The following NDRG3 variants were observed in gnomAD, a reference collection of about 807,000 sequenced individuals.
NDRG3 encodes NDRG family member 3, also known as protein NDRG3.
Under a neutral mutation model 57.2 loss-of-function variants are expected in NDRG3, and 23 were observed. The observed-to-expected ratio is 0.40, with a 90% CI of 0.29 to 0.57. The LOEUF (loss-of-function observed/expected upper bound fraction) is 0.57, where lower values mean the gene tolerates loss of function less well. Ranked by LOEUF, NDRG3 falls within the 20% of genes least tolerant of loss-of-function variation. The probability of loss-of-function intolerance (pLI) is 0.42; values close to 1 mark genes in which losing one functional copy is unlikely to be tolerated. For synonymous variants in NDRG3, 132 were observed against 162.6 expected (o/e 0.81, Z 1.43); for missense variants, 384 against 457.3 (o/e 0.84, Z 1.46).
chr20:36,725,615 A>G (rs1171293330), intron 1 of NDRG3, among the ~76,000 whole-genome samples: 4 of 151,612 alleles, frequency 2.6e-5, no homozygotes, highest in Non-Finnish European at 4.4e-5. Flanking sequence ...AAAAAAAAAA[A>G]AAAGAAAAAA....
intron 8 of NDRG3, among the ~76,000 whole-genome samples, chr20:36,676,952 G>T (rs1037290692): frequency 2.0e-5 from 3 of 152,244 alleles, no homozygotes; most frequent in African/African-American, 7.2e-5. Flanking sequence ...GCCCTCCTGG[G>T]CAGGGCTACA....
intron 3 of NDRG3, among the ~76,000 whole-genome samples, chr20:36,701,110 G>A (rs75443185): frequency 0.027 from 4,056 of 152,098 alleles, 86 homozygotes; most frequent in Middle Eastern, 0.061. Flanking sequence ...TACCTCCAAG[G>A]CTATGCACTT....
At chr20:36,712,653 C>T (rs112890847) in intron 2 of NDRG3, among the ~76,000 whole-genome samples, 7,937 of 125,022 alleles carry the variant, frequency 0.063, 885 homozygotes, top group African/African-American at 0.23. Flanking sequence ...TGGAGTGCAG[C>T]GGCATAATCT....
chr20:36,677,463 G>A (rs112127126), intron 8 of NDRG3, among the ~76,000 whole-genome samples: 4,616 of 152,302 alleles, frequency 0.03, 98 homozygotes, highest in Middle Eastern at 0.068. Context: ...CCCTTCTGAG[G>A]TCCATAAAAG....
chr20:36,713,343 G>A (rs917216212), intron 2 of NDRG3, among the ~76,000 whole-genome samples: 7 of 151,796 alleles, frequency 4.6e-5, no homozygotes, highest in African/African-American at 1.7e-4. Context: ...AACCCAAGAA[G>A]GTAAATTAAA....
chr20:36,742,011 C>T (rs1476991148), intron 1 of NDRG3, among the ~76,000 whole-genome samples: 1 of 152,178 alleles, frequency 6.6e-6, no homozygotes, highest in Non-Finnish European at 1.5e-5. Flanking sequence ...AAATGTTTTC[C>T]TGTCCTTTTG....
chr20:36,695,783 C>T (rs981508382), intron 3 of NDRG3, among the ~76,000 whole-genome samples: 2 of 152,134 alleles, frequency 1.3e-5, no homozygotes, highest in Admixed American at 6.5e-5. Flanking sequence ...CTTGCCCTAC[C>T]CTTGTGACCT....
At chr20:36,714,305 T>C (rs1251633019) in intron 2 of NDRG3, among the ~76,000 whole-genome samples, 3 of 147,816 alleles carry the variant, frequency 2.0e-5, no homozygotes, top group Admixed American at 6.8e-5. Flanking sequence ...CTCGGGAGGC[T>C]GAGGCAGGAG....
At chr20:36,737,969 C>CA (rs1416599457) in intron 1 of NDRG3, among the ~76,000 whole-genome samples, 8 of 150,696 alleles carry the variant, frequency 5.3e-5, no homozygotes, top group Non-Finnish European at 1.2e-4. Context: ...GAGGCTGAGG[C>CA]ATGAGAACTG....
At chr20:36,658,685 A>G (rs1417430142) in intron 13 of NDRG3, among the ~76,000 whole-genome samples, 1 of 152,206 alleles carries the variant, frequency 6.6e-6, no homozygotes, top group Non-Finnish European at 1.5e-5. Flanking sequence ...AGCTACCTCA[A>G]CACTTTAGTA....
At chr20:36,684,534 A>G in intron 5 of NDRG3, 59 bp from the exon 6 acceptor site, 1 of 1,450,062 alleles carries the variant, frequency 6.9e-7, no homozygotes, top group Non-Finnish European at 9.7e-7. Context: ...CAGTTGCTAG[A>G]ACAGCTGGAA....
At chr20:36,654,122 C>T (rs904444364) in intron 15 of NDRG3, among the ~76,000 whole-genome samples, 10 of 152,166 alleles carry the variant, frequency 6.6e-5, no homozygotes, top group Admixed American at 1.3e-4. Context: ...AGTGCAAGCC[C>T]GATACAACGA....
At chr20:36,714,147 C>T (rs1250522866) in intron 2 of NDRG3, among the ~76,000 whole-genome samples, 1 of 151,902 alleles carries the variant, frequency 6.6e-6, no homozygotes, top group African/African-American at 2.4e-5. Context: ...TCCCAGCACT[C>T]TGAGAGGCTG....
Position 36,652,303 on chromosome 20 carries a change from C to T in NDRG3, c.*1217G>A, listed in dbSNP as rs1171088441. 1 of 151,934 alleles carries T rather than the reference C, an allele frequency of 6.6e-6. No homozygotes were observed. Among genetic ancestry groups the T allele is most frequent in the Admixed American group, 6.6e-5 (1 of 15,230 alleles). The allele number at this position is 151,934 out of a possible 1,614,324, so 9.4% of individuals were successfully genotyped here. ...TGGCAGGTGCCTGTAGTCTCAGCTA[C>T]TCGGGAGGCTGAGGCAGGAGAATCG... On this transcript the variant is annotated 3_prime_UTR_variant, in exon 16 of 16. Transcript: ENST00000349004.
rs562212418 is a variant in NDRG3 at position 36,728,676 on chromosome 20, A to C, written c.-48-6893T>G. 4.6e-4 allele frequency among the ~76,000 whole-genome samples: 70 copies of C among 152,298 alleles called. No individual in the cohort carries two copies. The South Asian group carries it at 0.014, about 31-fold the overall frequency. On this transcript the variant is annotated intron_variant, in intron 1 of 15. Transcript: ENST00000349004. ...AATGCATATTGCAAAATCAGAAAAA[A>C]TCCAAAATCTGAAACACATCTGGTT...
intron 12 of NDRG3, 87 bp from the exon 13 acceptor site, chr20:36,660,471 G>C: frequency 2.2e-6 from 2 of 928,216 alleles, no homozygotes. Context: ...CATCTTGCAA[G>C]ATCAACAGCT....
chr20:36,713,491 G>T (rs1040302284), intron 2 of NDRG3, among the ~76,000 whole-genome samples: 2 of 152,188 alleles, frequency 1.3e-5, no homozygotes, highest in African/African-American at 4.8e-5. Flanking sequence ...TTGCTAGGGA[G>T]AAGAGAGATG....
intron 2 of NDRG3, among the ~76,000 whole-genome samples, chr20:36,721,173 G>A (rs541296133): frequency 2.6e-5 from 4 of 151,906 alleles, no homozygotes; most frequent in Admixed American, 6.6e-5. Flanking sequence ...GTGATTGAAC[G>A]TGGCTCATGG....
intron 9 of NDRG3, among the ~76,000 whole-genome samples, chr20:36,668,934 T>C (rs904774743): frequency 6.6e-6 from 1 of 151,958 alleles, no homozygotes; most frequent in South Asian, 2.1e-4. Context: ...TTATATGAAG[T>C]AGTATTTCTT....
Sources: allele counts gnomAD v4.1 joint callset (sites outside exome capture counted in the v4.1 genomes callset), GRCh38; gene constraint gnomAD v4.1.1; transcripts MANE v1.5; gene names NCBI Gene and HGNC (gene_info 2026-07-23, HGNC 2026-07-21).